CPQ: variants seen among roughly 807,000 people sequenced by gnomAD.
CPQ encodes the protein Ser-Met dipeptidase.
A neutral mutation model predicts 45.7 loss-of-function variants in CPQ; 37 were observed. The observed-to-expected ratio is 0.81, with a 90% CI of 0.62 to 1.07. The LOEUF is 1.07. CPQ is among the 50% of genes least tolerant of loss of function. The probability of loss-of-function intolerance (pLI) is 0.00; values close to 1 mark genes in which losing one functional copy is unlikely to be tolerated. For missense variants in CPQ, 537 were observed against 572.9 expected, an observed-to-expected ratio of 0.94 and a Z score of 0.64; for synonymous variants, 186 against 205.8, an observed-to-expected ratio of 0.90 and a Z score of 0.82.
intron 1 of CPQ, among the ~76,000 whole-genome samples, chr8:96,702,283 C>A (rs1809472341): frequency 6.6e-6 from 1 of 152,096 alleles, no homozygotes; most frequent in Non-Finnish European, 1.5e-5. Context: ...ACATCTAGAG[C>A]AAACTCTTTG....
intron 1 of CPQ, among the ~76,000 whole-genome samples, chr8:96,768,625 TTTTC>T (rs1810499056): frequency 6.6e-6 from 1 of 152,214 alleles, no homozygotes; most frequent in Non-Finnish European, 1.5e-5. Flanking sequence ...CTAGACGATG[TTTTC>T]TTTCTAAGCT....
intron 1 of CPQ, among the ~76,000 whole-genome samples, chr8:96,663,062 C>T (rs932245555): frequency 1.3e-5 from 2 of 152,174 alleles, no homozygotes; most frequent in Non-Finnish European, 2.9e-5. Flanking sequence ...TTTTTCCAAA[C>T]CCATTTCTGA....
chr8:96,645,710 AAC>A (rs1815510842), intron 1 of CPQ, among the ~76,000 whole-genome samples: 1 of 151,960 alleles, frequency 6.6e-6, no homozygotes, highest in Non-Finnish European at 1.5e-5. Context: ...CGTCCTTCCC[AAC>A]ACGGTTTCAC....
chr8:96,973,013 C>T (rs78626826), intron 5 of CPQ, among the ~76,000 whole-genome samples: 1 of 152,032 alleles, frequency 6.6e-6, no homozygotes, highest in African/African-American at 2.4e-5. Flanking sequence ...AGTTCACCAG[C>T]AATGGATCCA....
At chr8:96,985,151 C>A (rs1350407602) in intron 5 of CPQ, among the ~76,000 whole-genome samples, 1 of 151,918 alleles carries the variant, frequency 6.6e-6, no homozygotes, top group Non-Finnish European at 1.5e-5. Flanking sequence ...CTTGAGGAAT[C>A]TAGTTGTATC....
chr8:96,784,409 G>GGT (rs1563496262), intron 1 of CPQ, among the ~76,000 whole-genome samples: 1 of 150,788 alleles, frequency 6.6e-6, no homozygotes, highest in African/African-American at 2.4e-5. Context: ...TGGGGGGGGG[G>GGT]TTGGTAAAAT....
At chr8:96,771,155 CATTAT>C (rs2130798453) in intron 1 of CPQ, among the ~76,000 whole-genome samples, 1 of 147,246 alleles carries the variant, frequency 6.8e-6, no homozygotes, top group East Asian at 2.0e-4. Context: ...ATATATAAAA[CATTAT>C]ATTTTAATGT....
intron 6 of CPQ, among the ~76,000 whole-genome samples, chr8:97,034,621 G>A (rs994816074): frequency 6.6e-6 from 1 of 152,144 alleles, no homozygotes; most frequent in Non-Finnish European, 1.5e-5. Context: ...TTTGGAAAAT[G>A]TATACCCCTA....
At chr8:96,797,650 C>T (rs1312716499) in intron 2 of CPQ, among the ~76,000 whole-genome samples, 1 of 152,122 alleles carries the variant, frequency 6.6e-6, no homozygotes, top group African/African-American at 2.4e-5. Context: ...GGTGCGGTGG[C>T]TCACGCTTTT....
At chr8:97,030,197 C>T (rs144123498) in intron 6 of CPQ, among the ~76,000 whole-genome samples, 89 of 152,318 alleles carry the variant, frequency 5.8e-4, no homozygotes, top group Middle Eastern at 3.4e-3. Flanking sequence ...CCAAAATCAA[C>T]GCGCATATGC....
At chr8:96,980,103 A>T (rs1563545209) in intron 5 of CPQ, among the ~76,000 whole-genome samples, 1 of 152,054 alleles carries the variant, frequency 6.6e-6, no homozygotes, top group Non-Finnish European at 1.5e-5. Flanking sequence ...TAGTAGTTGT[A>T]TTTTCCTGGA....
intron 5 of CPQ, among the ~76,000 whole-genome samples, chr8:96,974,514 T>C (rs1813742810): frequency 6.6e-6 from 1 of 152,014 alleles, no homozygotes; most frequent in South Asian, 2.1e-4. Flanking sequence ...ACCCTACAAG[T>C]GAACTTAACA....
chr8:96,972,919 T>G (rs1474655890), intron 5 of CPQ, among the ~76,000 whole-genome samples: 2 of 152,122 alleles, frequency 1.3e-5, no homozygotes, highest in Admixed American at 1.3e-4. Flanking sequence ...TCTGACCTAG[T>G]CTACCCAAAT....
chr8:96,650,209 G>A (rs1815562429), intron 1 of CPQ, among the ~76,000 whole-genome samples: 1 of 152,150 alleles, frequency 6.6e-6, no homozygotes, highest in African/African-American at 2.4e-5. Flanking sequence ...AAAGTGTTTG[G>A]AGACTTTGAA....
chr8:96,920,115 A>G (rs568007154), intron 4 of CPQ, among the ~76,000 whole-genome samples: 2 of 152,316 alleles, frequency 1.3e-5, no homozygotes, highest in South Asian at 2.1e-4. Flanking sequence ...TTTGTTATAT[A>G]TATCATGACA....
intron 1 of CPQ, among the ~76,000 whole-genome samples, chr8:96,707,458 A>G (rs111470698): frequency 3.9e-4 from 59 of 152,174 alleles, no homozygotes; most frequent in African/African-American, 1.4e-3. Context: ...TTCTTAAAAC[A>G]TTATGAGATT....
chr8:97,114,654 T>C (rs1384108625), intron 7 of CPQ, among the ~76,000 whole-genome samples: 1 of 152,208 alleles, frequency 6.6e-6, no homozygotes, highest in African/African-American at 2.4e-5. Flanking sequence ...AGTTATACCA[T>C]TACCTAGACT....
intron 7 of CPQ, among the ~76,000 whole-genome samples, chr8:97,066,816 A>G (rs1173988418): frequency 6.6e-6 from 1 of 151,786 alleles, no homozygotes; most frequent in African/African-American, 2.4e-5. Context: ...TATCCTGAAG[A>G]GAAGTCCTAA....
At chr8:97,064,922 A>G (rs1810612850) in intron 6 of CPQ, among the ~76,000 whole-genome samples, 1 of 151,932 alleles carries the variant, frequency 6.6e-6, no homozygotes, top group South Asian at 2.1e-4. Flanking sequence ...AAATCGCTTG[A>G]CCTCCCTGAT....
Sources: allele counts gnomAD v4.1 joint callset (sites outside exome capture counted in the v4.1 genomes callset), GRCh38; gene constraint gnomAD v4.1.1; transcripts MANE v1.5; gene names NCBI Gene and HGNC (gene_info 2026-07-23, HGNC 2026-07-21).